PEX5L: variants seen among roughly 807,000 people sequenced by gnomAD.
The protein encoded by PEX5L is peroxisomal biogenesis factor 5 like, also known as PEX5-related protein.
A neutral mutation model predicts 84.0 loss-of-function variants in PEX5L; 30 were observed. The observed-to-expected ratio is 0.36, with a 90% CI of 0.27 to 0.48. The LOEUF (loss-of-function observed/expected upper bound fraction) is 0.48, where lower values mean the gene tolerates loss of function less well. PEX5L is among the 20% of genes least tolerant of loss of function. The probability of loss-of-function intolerance (pLI) is 0.99; values close to 1 mark genes in which losing one functional copy is unlikely to be tolerated. For missense variants in PEX5L, 533 were observed against 754.6 expected (o/e 0.71, Z 3.44); for synonymous variants, 270 against 283.1 (o/e 0.95, Z 0.46).
chr3:179,958,675 G>A (rs1578980453), intron 2 of PEX5L, among the ~76,000 whole-genome samples: 1 of 152,156 alleles, frequency 6.6e-6, no homozygotes. Context: ...GAGTAGGTTC[G>A]CTTTAATGAC....
chr3:179,832,899 A>C (rs1473866967), intron 8 of PEX5L, among the ~76,000 whole-genome samples: 1 of 152,188 alleles, frequency 6.6e-6, no homozygotes, highest in African/African-American at 2.4e-5. Context: ...CCACCCGCCC[A>C]CCTACCTACC....
chr3:179,796,483 G>A lies in PEX5L; in HGVS notation c.*5345C>T, dbSNP rs1184312288. 1 of 152,002 alleles carries A rather than the reference G, an allele frequency of 6.6e-6. No individual in the cohort carries two copies. The highest frequency in any genetic ancestry group is 2.4e-5 in the African/African-American group (1 of 41,372). 9.4% of individuals were successfully genotyped at this position (152,002 alleles called of 1,614,324 possible). ...GTTCAAGGCAAAATACCACATGAGAGGTTGTTAAACCTCACAGTTTAATTT... is the reference window on the plus strand; with the variant it reads ...GTTCAAGGCAAAATACCACATGAGAAGTTGTTAAACCTCACAGTTTAATTT... On this transcript the variant is annotated 3_prime_UTR_variant, in exon 15 of 15. Coordinates refer to ENST00000467460, the MANE Select transcript of PEX5L (RefSeq NM_016559.3).
chr3:180,026,112 C>T (rs1176961201), intron 1 of PEX5L, among the ~76,000 whole-genome samples: 1 of 144,542 alleles, frequency 6.9e-6, no homozygotes, highest in African/African-American at 2.5e-5. Flanking sequence ...TGATGAATGT[C>T]ATCAAAAGCC....
At chr3:179,866,928 A>AG (rs976467609) in intron 7 of PEX5L, among the ~76,000 whole-genome samples, 5 of 149,486 alleles carry the variant, frequency 3.3e-5, no homozygotes, top group African/African-American at 7.4e-5. Flanking sequence ...CGGGAGGCTG[A>AG]GGCAGGAGAA....
At chr3:179,909,101 G>A (rs1354655696) in intron 2 of PEX5L, among the ~76,000 whole-genome samples, 3 of 151,928 alleles carry the variant, frequency 2.0e-5, no homozygotes, top group African/African-American at 7.3e-5. Flanking sequence ...GCAATCTTTT[G>A]CTTGTATTCA....
chr3:179,907,875 C>T (rs1763811354), intron 2 of PEX5L, among the ~76,000 whole-genome samples: 1 of 152,138 alleles, frequency 6.6e-6, no homozygotes, highest in Admixed American at 6.6e-5. Context: ...GTGGCTTTCC[C>T]CATTTTCTGG....
chr3:179,926,651 T>C (rs1216017229), intron 2 of PEX5L, among the ~76,000 whole-genome samples: 11 of 152,242 alleles, frequency 7.2e-5, no homozygotes, highest in Non-Finnish European at 1.5e-5. Flanking sequence ...TGGGTATTTT[T>C]CTATGTTTGC....
chr3:179,930,564 A>G (rs757394911), intron 2 of PEX5L, among the ~76,000 whole-genome samples: 4 of 152,150 alleles, frequency 2.6e-5, no homozygotes, highest in Non-Finnish European at 4.4e-5. Flanking sequence ...TACCCCTGAG[A>G]CTTGTCCTGT....
rs1174544955 is a variant in PEX5L, at chr3:179,799,910, C to T, written c.*1918G>A. 6.6e-6 allele frequency: 1 copy of T among 152,220 alleles called. No homozygotes were observed. The highest frequency in any genetic ancestry group is 1.5e-5 in the Non-Finnish European group (1 of 68,066). The allele number at this position is 152,220 out of a possible 1,614,324, so 9.4% of individuals were successfully genotyped here. A position where few individuals can be genotyped will look rare whatever the true frequency, so the allele number is the denominator to read the frequency against. On this transcript the variant is annotated 3_prime_UTR_variant, in exon 15 of 15. Transcript: ENST00000467460. The stretch of plus-strand genomic sequence containing the variant: ...GTCTGAGACTGGGTGGTCGCTGCTA[C>T]CCATGATGAGTGCCTGAATGCCTCT...
At chr3:179,998,646 A>G (rs2110409407) in intron 1 of PEX5L, among the ~76,000 whole-genome samples, 1 of 152,338 alleles carries the variant, frequency 6.6e-6, no homozygotes, top group South Asian at 2.1e-4. Context: ...TGTGACCTGA[A>G]CTGCCTATCA....
At chr3:179,856,622 T>C (rs1744066465) in intron 8 of PEX5L, among the ~76,000 whole-genome samples, 2 of 152,208 alleles carry the variant, frequency 1.3e-5, no homozygotes, top group African/African-American at 4.8e-5. Flanking sequence ...AGTAAATATG[T>C]GTGAAGTTTT....
chr3:179,921,722 C>CGTCCTG (rs1020496410), intron 2 of PEX5L: 1 of 152,220 alleles, frequency 6.6e-6, no homozygotes, highest in Non-Finnish European at 1.5e-5. Context: ...GACACTGGAT[C>CGTCCTG]GTCCTGATAT....
At chr3:179,925,040 G>T (rs1022573753) in intron 2 of PEX5L, among the ~76,000 whole-genome samples, 1 of 152,172 alleles carries the variant, frequency 6.6e-6, no homozygotes, top group Non-Finnish European at 1.5e-5. Flanking sequence ...GTAAGAATTA[G>T]AAAGTCCTAA....
At chr3:179,978,068 G>A (rs909010903) in intron 1 of PEX5L, among the ~76,000 whole-genome samples, 7 of 152,200 alleles carry the variant, frequency 4.6e-5, no homozygotes, top group Non-Finnish European at 8.8e-5. Context: ...CCATATGCAT[G>A]AGCCCAGACA....
intron 2 of PEX5L, among the ~76,000 whole-genome samples, chr3:179,913,663 A>C (rs573167334): frequency 1.3e-5 from 2 of 152,282 alleles, no homozygotes; most frequent in African/African-American, 4.8e-5. Context: ...TTGGAAATAG[A>C]AATGTATTTC....
intron 1 of PEX5L, among the ~76,000 whole-genome samples, chr3:180,020,263 C>T (rs1369014078): frequency 6.6e-6 from 1 of 151,894 alleles, no homozygotes; most frequent in Non-Finnish European, 1.5e-5. Context: ...ACCAATACAA[C>T]AAAATATTAG....
Position 180,036,653 on chromosome 3 carries a change from G to C in PEX5L, c.-54C>G, listed in dbSNP as rs1295548628. 3 of 1,603,058 alleles carry C rather than the reference G, an allele frequency of 1.9e-6. No homozygotes were observed. The highest frequency in any genetic ancestry group is 1.7e-5 in the Admixed American group (1 of 59,988). On this transcript the variant is annotated 5_prime_UTR_variant, in exon 1 of 15. Transcript: ENST00000467460. The stretch of plus-strand genomic sequence containing the variant: ...AGGCCACCGGATGCTTTTCCCCCGT[G>C]CTTACTTGCCCACCAAAAGAGGGGA...
intron 2 of PEX5L, among the ~76,000 whole-genome samples, chr3:179,950,092 A>G (rs192632221): frequency 6.6e-6 from 1 of 152,244 alleles, no homozygotes; most frequent in African/African-American, 2.4e-5. Context: ...TGGCACTGCC[A>G]CCTGAATTTT....
At chr3:179,802,068 A>G (rs1049530064) in intron 14 of PEX5L, 36 bp from the exon 15 acceptor site, 1 of 1,433,278 alleles carries the variant, frequency 7.0e-7, no homozygotes, top group South Asian at 1.1e-5. Context: ...AAAATGAGTC[A>G]CATTTCAGAG....
Sources: allele counts gnomAD v4.1 joint callset (sites outside exome capture counted in the v4.1 genomes callset), GRCh38; gene constraint gnomAD v4.1.1; transcripts MANE v1.5; gene names NCBI Gene and HGNC (gene_info 2026-07-23, HGNC 2026-07-21).